The following TMCO4 variants were observed in gnomAD, a reference collection of about 807,000 sequenced individuals.
The protein encoded by TMCO4 is transmembrane and coiled-coil domains 4.
In TMCO4, 58 loss-of-function variants were observed where a neutral mutation model predicts 64.7. The observed-to-expected ratio is 0.90, with a 90% CI of 0.73 to 1.12. The LOEUF (loss-of-function observed/expected upper bound fraction) is 1.12, where lower values mean the gene tolerates loss of function less well. TMCO4 is among the 50% of genes most tolerant of loss of function. The pLI, the probability that TMCO4 is intolerant of heterozygous loss-of-function variation, is 0.00. For missense variants in TMCO4, 780 were observed against 825.9 expected (o/e 0.94, Z 0.68); for synonymous variants, 325 against 346.1 (o/e 0.94, Z 0.68).
At chr1:19,756,983 C>T (rs1485016034) in intron 6 of TMCO4, among the ~76,000 whole-genome samples, 1 of 151,788 alleles carries the variant, frequency 6.6e-6, no homozygotes, top group Non-Finnish European at 1.5e-5. Flanking sequence ...AGAAACAAAA[C>T]AAAAAACAAA....
intron 7 of TMCO4, among the ~76,000 whole-genome samples, chr1:19,755,153 TCTCA>T (rs1213765738): frequency 6.6e-6 from 1 of 152,000 alleles, no homozygotes; most frequent in Non-Finnish European, 1.5e-5. Flanking sequence ...GAGACAAGAG[TCTCA>T]CTCTGTCACC....
intron 3 of TMCO4, 88 bp from the exon 4 acceptor site, chr1:19,780,854 G>T (rs1175626481): frequency 8.9e-7 from 1 of 1,128,644 alleles, no homozygotes; most frequent in Non-Finnish European, 1.2e-6. Context: ...ACCATAAAAG[G>T]TTGATAAAGT....
At chr1:19,744,293 C>A (rs1243355923) in intron 10 of TMCO4, among the ~76,000 whole-genome samples, 1 of 152,160 alleles carries the variant, frequency 6.6e-6, no homozygotes. Flanking sequence ...GCCACCCTGG[C>A]TAGAATCCCC....
intron 13 of TMCO4, among the ~76,000 whole-genome samples, chr1:19,723,985 A>T (rs1357227741): frequency 6.6e-6 from 1 of 152,194 alleles, no homozygotes; most frequent in Admixed American, 6.5e-5. Flanking sequence ...AGCCGGTGGC[A>T]ACTGCTAAGG....
intron 13 of TMCO4, among the ~76,000 whole-genome samples, chr1:19,711,800 G>A (rs2100685463): frequency 6.6e-6 from 1 of 152,292 alleles, no homozygotes; most frequent in East Asian, 1.9e-4. Context: ...TGGGATTACA[G>A]GCATGCGCCA....
At chr1:19,691,498 CA>C (rs2095194583) in intron 15 of TMCO4, among the ~76,000 whole-genome samples, 1 of 152,182 alleles carries the variant, frequency 6.6e-6, no homozygotes, top group Admixed American at 6.5e-5. Context: ...CCCATGTTAT[CA>C]AATGCTCAGT....
In TMCO4 at chr1:19,683,012, G is replaced by A. The variant is rs1242711130; in HGVS notation, c.*28C>T. ...AGAGAGAGCTGCATATGGAGACTGGGGAAGACGGCTCAGGTCCCCTGCTGT... is the reference window on the plus strand; with the variant it reads ...AGAGAGAGCTGCATATGGAGACTGGAGAAGACGGCTCAGGTCCCCTGCTGT... On this transcript the variant is annotated 3_prime_UTR_variant, in exon 16 of 16. Transcript: ENST00000294543. 5 of 1,533,464 alleles carry A rather than the reference G, an allele frequency of 3.3e-6. No homozygotes were observed. In the African/African-American group the frequency reaches 6.9e-5, roughly 21 times the overall value. 95.0% of individuals were successfully genotyped at this position (1,533,464 alleles called of 1,614,324 possible).
chr1:19,741,799 C>T (rs1186450011), intron 10 of TMCO4, among the ~76,000 whole-genome samples: 5 of 150,414 alleles, frequency 3.3e-5, no homozygotes, highest in East Asian at 1.9e-4. Flanking sequence ...TGTAGTGGCA[C>T]GATCTCGGTT....
At chr1:19,756,026 C>T (rs922741615) in intron 6 of TMCO4, among the ~76,000 whole-genome samples, 1 of 152,090 alleles carries the variant, frequency 6.6e-6, no homozygotes, top group Non-Finnish European at 1.5e-5. Context: ...GCAGGCAGAT[C>T]GCTTGAGTCC....
At chr1:19,795,772 T>G (rs1325124669) in intron 2 of TMCO4, among the ~76,000 whole-genome samples, 2 of 152,250 alleles carry the variant, frequency 1.3e-5, no homozygotes, top group African/African-American at 2.4e-5. Context: ...ACCTCTCTGG[T>G]GTGGTTTACA....
At chr1:19,697,359 G>A (rs537295296) in intron 14 of TMCO4, among the ~76,000 whole-genome samples, 1 of 152,274 alleles carries the variant, frequency 6.6e-6, no homozygotes, top group South Asian at 2.1e-4. Flanking sequence ...CTGGGCTCAA[G>A]CCATTCTCCC....
intron 5 of TMCO4, 97 bp from the exon 6 acceptor site, chr1:19,770,666 A>G: frequency 1.5e-6 from 2 of 1,300,852 alleles, no homozygotes; most frequent in Non-Finnish European, 1.1e-6. Context: ...GCAGAACAAG[A>G]CAGACAAAAA....
chr1:19,781,602 T>C (rs1557616680), intron 3 of TMCO4, among the ~76,000 whole-genome samples: 1 of 151,622 alleles, frequency 6.6e-6, no homozygotes, highest in Non-Finnish European at 1.5e-5. Flanking sequence ...AGACTGAGAA[T>C]ACCAAGTGCT....
chr1:19,701,950 C>A (rs376516838), intron 13 of TMCO4, among the ~76,000 whole-genome samples: 1 of 152,092 alleles, frequency 6.6e-6, no homozygotes. Flanking sequence ...GCTTGGGCAA[C>A]ATAGTGAGAC....
At chr1:19,745,305 T>G in intron 10 of TMCO4, among the ~76,000 whole-genome samples, 1 of 149,860 alleles carries the variant, frequency 6.7e-6, no homozygotes, top group Non-Finnish European at 1.5e-5. Context: ...GGTGGGTAGG[T>G]GGATGGGTGG....
chr1:19,736,335 C>T (rs534810183), intron 13 of TMCO4, among the ~76,000 whole-genome samples: 1 of 152,310 alleles, frequency 6.6e-6, no homozygotes, highest in South Asian at 2.1e-4. Flanking sequence ...AATTACCTCC[C>T]ACCGGGTCCC....
chr1:19,781,037 T>C (rs532205580), intron 3 of TMCO4, among the ~76,000 whole-genome samples: 1 of 141,268 alleles, frequency 7.1e-6, no homozygotes, highest in East Asian at 2.1e-4. Context: ...GAAGCAAATT[T>C]AAAAATGGGC....
chr1:19,682,797 TGAG>T lies in TMCO4; in HGVS notation c.*240_*242del. ...CTTGGTTGACTCTGCAGGTCTCTGA[TGAG>T]GGGGCAGCTGCTCCCTGGTGGGGCT... On this transcript the variant is annotated 3_prime_UTR_variant, in exon 16 of 16. Transcript: ENST00000294543. 4.2e-6 allele frequency: 3 copies of T among 718,564 alleles called. No individual in the cohort carries two copies. In the South Asian group the frequency reaches 4.5e-5, roughly 11 times the overall value. 44.5% of individuals were successfully genotyped at this position (718,564 alleles called of 1,614,324 possible). A position where few individuals can be genotyped will look rare whatever the true frequency, so the allele number is the denominator to read the frequency against.
At chr1:19,759,504 T>C (rs2042406754) in intron 6 of TMCO4, among the ~76,000 whole-genome samples, 1 of 152,182 alleles carries the variant, frequency 6.6e-6, no homozygotes, top group East Asian at 1.9e-4. Flanking sequence ...GACTGCACAT[T>C]ATCCAGCCCC....
Sources: allele counts gnomAD v4.1 joint callset (sites outside exome capture counted in the v4.1 genomes callset), GRCh38; gene constraint gnomAD v4.1.1; transcripts MANE v1.5; gene names NCBI Gene and HGNC (gene_info 2026-07-23, HGNC 2026-07-21).